TMA16: variants seen among roughly 807,000 people sequenced by gnomAD.
The protein encoded by TMA16 is translation machinery associated 16 homolog, also known as translation machinery-associated protein 16.
A neutral mutation model predicts 27.1 loss-of-function variants in TMA16; 26 were observed. The ratio of observed to expected loss-of-function variants is 0.96; its 90% CI spans 0.70 to 1.33. The LOEUF (loss-of-function observed/expected upper bound fraction) is 1.33, where lower values mean the gene tolerates loss of function less well. Among genes scored for constraint, TMA16 ranks in the 40% most tolerant of loss-of-function variants. The pLI is 0.00. For synonymous variants in TMA16, 71 were observed against 81.9 expected (o/e 0.87, Z 0.72); for missense variants, 233 against 241.4 (o/e 0.97, Z 0.23).
At chr4:163,517,523 T>C in intron 6 of TMA16, 47 bp downstream of exon 6, 12 of 1,544,218 alleles carry the variant, frequency 7.8e-6, no homozygotes, top group Non-Finnish European at 1.1e-5. Context: ...GTAAAGTACC[T>C]GACAGGTGAA....
intron 1 of TMA16, among the ~76,000 whole-genome samples, chr4:163,501,612 T>C (rs977418400): frequency 5.3e-5 from 8 of 152,152 alleles, no homozygotes; most frequent in Admixed American, 1.3e-4. Flanking sequence ...TTGCAAAGAG[T>C]GTTTGATTAT....
At chr4:163,518,599 A>T (rs757521478) in intron 6 of TMA16, among the ~76,000 whole-genome samples, 1 of 152,202 alleles carries the variant, frequency 6.6e-6, no homozygotes, top group Non-Finnish European at 1.5e-5. Context: ...GAGGGGTCTT[A>T]TATTTAATGT....
intron 1 of TMA16, among the ~76,000 whole-genome samples, chr4:163,497,545 T>G (rs946994267): frequency 3.3e-5 from 5 of 152,156 alleles, no homozygotes; most frequent in African/African-American, 1.2e-4. Flanking sequence ...TTTAAGGGGC[T>G]CTAATGAATT....
intron 6 of TMA16, among the ~76,000 whole-genome samples, chr4:163,517,854 G>T (rs941941825): frequency 6.6e-6 from 1 of 152,118 alleles, no homozygotes; most frequent in Non-Finnish European, 1.5e-5. Flanking sequence ...AGAGAAGATG[G>T]TTATAGGAAT....
intron 5 of TMA16, chr4:163,517,149 G>A (rs913924403): frequency 1.5e-5 from 5 of 343,512 alleles, no homozygotes; most frequent in East Asian, 8.3e-5. Context: ...TGATCCACCT[G>A]CCTCAGCCTT....
intron 1 of TMA16, among the ~76,000 whole-genome samples, chr4:163,499,408 CT>C (rs1396573427): frequency 6.6e-6 from 1 of 152,018 alleles, no homozygotes; most frequent in African/African-American, 2.4e-5. Context: ...ATAAGAAAAT[CT>C]TTTCTTCTGA....
intron 1 of TMA16, among the ~76,000 whole-genome samples, chr4:163,503,321 T>TA (rs11300778): frequency 3.5e-4 from 52 of 150,394 alleles, no homozygotes; most frequent in African/African-American, 7.1e-4. Flanking sequence ...TCTTAAACTT[T>TA]AAAAAAAAAA....
At chr4:163,498,650 TTTTTA>T (rs1737598945) in intron 1 of TMA16, among the ~76,000 whole-genome samples, 1 of 152,188 alleles carries the variant, frequency 6.6e-6, no homozygotes, top group South Asian at 2.1e-4. Context: ...ACTATCTTTA[TTTTTA>T]TTTTATTTTA....
chr4:163,516,747 T>A (rs1399121082), intron 5 of TMA16, among the ~76,000 whole-genome samples: 1 of 152,180 alleles, frequency 6.6e-6, no homozygotes, highest in Non-Finnish European at 1.5e-5. Context: ...AAGCAAAATT[T>A]TTTTTTTAAT....
intron 3 of TMA16, among the ~76,000 whole-genome samples, chr4:163,513,187 AAACCACAATTCATATTTATTT>A (rs1737822346): frequency 6.6e-6 from 1 of 152,210 alleles, no homozygotes; most frequent in Admixed American, 6.5e-5. Flanking sequence ...GCCTAGGTAG[AAACCACAATTCATATTTATTT>A]AATGATGTGG....
chr4:163,510,935 G>GGT (rs1305613103), intron 2 of TMA16, among the ~76,000 whole-genome samples: 1 of 152,138 alleles, frequency 6.6e-6, no homozygotes, highest in East Asian at 1.9e-4. Context: ...TTCATGTACA[G>GGT]GTGTTTGTGT....
chr4:163,506,167 T>G (rs1168081565), intron 1 of TMA16, among the ~76,000 whole-genome samples: 2 of 152,180 alleles, frequency 1.3e-5, no homozygotes, highest in African/African-American at 4.8e-5. Flanking sequence ...TCATACTGGC[T>G]TGAGTGTAGA....
At chr4:163,507,521 G>GT (rs1308231550) in intron 2 of TMA16, among the ~76,000 whole-genome samples, 2 of 152,174 alleles carry the variant, frequency 1.3e-5, no homozygotes, top group African/African-American at 2.4e-5. Context: ...CATGAGACAT[G>GT]TAAGAGGAGA....
At chr4:163,505,638 G>A (rs192929846) in intron 1 of TMA16, among the ~76,000 whole-genome samples, 5 of 152,316 alleles carry the variant, frequency 3.3e-5, no homozygotes, top group East Asian at 1.9e-4. Flanking sequence ...TAAGAATGGC[G>A]TGAAGAATCT....
intron 1 of TMA16, 90 bp from the exon 2 acceptor site, chr4:163,506,943 G>A (rs1737724977): frequency 9.4e-7 from 1 of 1,061,346 alleles, no homozygotes; most frequent in African/African-American, 1.6e-5. Flanking sequence ...TCATATTACT[G>A]TTTTTAAAAT....
chr4:163,494,954 G>A (rs1007503968), intron 1 of TMA16, 150 bp downstream of exon 1: 2 of 1,179,348 alleles, frequency 1.7e-6, no homozygotes, highest in African/African-American at 1.5e-5. Context: ...GGTGCGGGGC[G>A]AAGCCTCTGG....
chr4:163,502,196 A>G (rs1737659449), intron 1 of TMA16, among the ~76,000 whole-genome samples: 1 of 152,230 alleles, frequency 6.6e-6, no homozygotes, highest in Admixed American at 6.5e-5. Context: ...ATCTAAAATG[A>G]AGATAAAATT....
At chr4:163,499,097 A>T (rs568032385) in intron 1 of TMA16, among the ~76,000 whole-genome samples, 1 of 152,340 alleles carries the variant, frequency 6.6e-6, no homozygotes, top group South Asian at 2.1e-4. Flanking sequence ...ACACATTAAT[A>T]ATTCTATTTC....
At chr4:163,499,007 C>A (rs1737607134) in intron 1 of TMA16, among the ~76,000 whole-genome samples, 2 of 152,134 alleles carry the variant, frequency 1.3e-5, no homozygotes, top group Admixed American at 1.3e-4. Flanking sequence ...CTGGCTTGCA[C>A]CCCCTTGAAC....
Sources: allele counts gnomAD v4.1 joint callset (sites outside exome capture counted in the v4.1 genomes callset), GRCh38; gene constraint gnomAD v4.1.1; transcripts MANE v1.5; gene names NCBI Gene and HGNC (gene_info 2026-07-23, HGNC 2026-07-21).